PGBD1: variants seen among roughly 807,000 people sequenced by gnomAD.
The protein encoded by PGBD1 is piggyBac transposable element-derived protein 1.
Under a neutral mutation model 34.7 loss-of-function variants are expected in PGBD1, and 25 were observed. That is an observed-to-expected ratio of 0.72 (90% CI 0.52 to 1.00). PGBD1 has a LOEUF of 1.00. Among genes scored for constraint, PGBD1 ranks in the 50% least tolerant of loss-of-function variants. PGBD1 has a pLI of 0.00. For missense variants in PGBD1, 830 were observed against 959.4 expected (o/e 0.87, Z 1.78); for synonymous variants, 292 against 335.7 (o/e 0.87, Z 1.42).
At chr6:28,284,335 T>A in intron 2 of PGBD1, 126 bp downstream of exon 2, 2 of 1,118,144 alleles carry the variant, frequency 1.8e-6, no homozygotes, top group Non-Finnish European at 2.4e-6. Flanking sequence ...AGAACTCCCG[T>A]AAAACTCTTC....
chr6:28,298,034 A>AATC (rs1561891207), intron 6 of PGBD1, 43 bp downstream of exon 6: 2 of 1,345,618 alleles, frequency 1.5e-6, no homozygotes, highest in Admixed American at 3.7e-5. Flanking sequence ...CTGCAGATAT[A>AATC]AGAAATTGGA....
rs1295018685 is a variant in PGBD1, at chr6:28,301,461, A to G, written c.1607A>G (p.Tyr536Cys). ...IKQMNKNFLL[Y>C]APLEEYYCFD... ...CAAATGAATAAAAATTTCCTCTTGT[A>G]TGCTCCCCTGGAAGAATACTATTGC... The change falls in exon 7 of 7, where the codon TAT (tyrosine) becomes TGT (cysteine). Residue 536 changes from tyrosine to cysteine, a missense_variant. By Grantham distance (194) the Tyr-to-Cys change is radical. This residue lies in a region of PGBD1 where 372 missense variants were observed against 427.9 expected (regional missense o/e 0.87). Transcript: ENST00000682144. 1.2e-6 allele frequency: 2 copies of G among 1,613,978 alleles called. No homozygotes were observed. Among genetic ancestry groups the G allele is most frequent in the Non-Finnish European group, 1.7e-6 (2 of 1,180,000 alleles).
chr6:28,285,637 C>G lies in PGBD1; in HGVS notation c.483C>G (p.Leu161=), dbSNP rs1443137504. Residue 161 remains leucine (L), a synonymous_variant, in exon 3 of 7, where the codon CTC becomes CTG. Transcript: ENST00000682144. ...GVSLECQSLQ[L]LPGITTLKCE... is the part of the protein sequence containing the mutation. The stretch of plus-strand genomic sequence containing the variant: ...CTTTGGAGTGTCAGAGCCTCCAGCT[C>G]CTGCCTGGGATAACCACCCTGAAGT... The G allele has an allele frequency of 1.2e-6, 2 of 1,614,164 alleles. No homozygotes were observed. The highest frequency in any genetic ancestry group is 2.2e-5 in the East Asian group (1 of 44,876).
intron 6 of PGBD1, among the ~76,000 whole-genome samples, chr6:28,300,000 CAAA>C (rs776417092): frequency 3.5e-5 from 3 of 85,038 alleles, no homozygotes; most frequent in African/African-American, 1.2e-4. Flanking sequence ...GACTCTGTCT[CAAA>C]AAAAAAAAAA....
At chr6:28,285,424 G>T in intron 2 of PGBD1, 127 bp from the exon 3 acceptor site, 1 of 989,932 alleles carries the variant, frequency 1.0e-6, no homozygotes, top group South Asian at 2.1e-5. Flanking sequence ...GTTTTTCTGG[G>T]CTGGGATCCT....
intron 4 of PGBD1, among the ~76,000 whole-genome samples, chr6:28,292,940 T>G (rs973457646): frequency 6.6e-6 from 1 of 152,056 alleles, no homozygotes; most frequent in Non-Finnish European, 1.5e-5. Flanking sequence ...TTTCTTTTCT[T>G]TTCTTTTCTT....
chr6:28,287,646 GT>G (rs1407354130), intron 4 of PGBD1, among the ~76,000 whole-genome samples: 2 of 151,040 alleles, frequency 1.3e-5, no homozygotes, highest in South Asian at 4.2e-4. Context: ...ATGGACTCTG[GT>G]TTTTTTTCTT....
chr6:28,294,541 C>T (rs751998856), intron 4 of PGBD1, among the ~76,000 whole-genome samples: 11 of 152,254 alleles, frequency 7.2e-5, no homozygotes, highest in East Asian at 1.9e-4. Flanking sequence ...TAGGGGCTTA[C>T]GCAGTTGGTG....
intron 4 of PGBD1, among the ~76,000 whole-genome samples, chr6:28,292,279 T>C (rs1174476629): frequency 6.6e-6 from 1 of 152,124 alleles, no homozygotes; most frequent in African/African-American, 2.4e-5. Flanking sequence ...ATTTATATAC[T>C]TCAATAGTGA....
At chr6:28,291,004 G>T (rs554167785) in intron 4 of PGBD1, among the ~76,000 whole-genome samples, 2 of 150,560 alleles carry the variant, frequency 1.3e-5, no homozygotes, top group Admixed American at 6.7e-5. Flanking sequence ...AAAGTAAAAA[G>T]ACATCAAATG....
intron 4 of PGBD1, 69 bp downstream of exon 4, chr6:28,287,237 C>A: frequency 7.4e-7 from 1 of 1,360,118 alleles, no homozygotes; most frequent in Non-Finnish European, 1.1e-6. Context: ...TGTTCCTTGC[C>A]CTTCTCTTGG....
chr6:28,297,816 G>GTGTTTTTTTT, intron 5 of PGBD1, 79 bp from the exon 6 acceptor site: 1 of 347,644 alleles, frequency 2.9e-6, no homozygotes, highest in Non-Finnish European at 4.9e-6. Flanking sequence ...TACCCTGGAA[G>GTGTTTTTTTT]TTTTTTTTTT....
chr6:28,294,827 G>A (rs1039841352), intron 4 of PGBD1, among the ~76,000 whole-genome samples: 3 of 152,216 alleles, frequency 2.0e-5, no homozygotes, highest in Non-Finnish European at 4.4e-5. Flanking sequence ...GGAAATTAAT[G>A]TTTTCAAGCC....
rs1762875030 is a variant in PGBD1, at chr6:28,302,324, T to C, written c.*40T>C. 1 of 1,547,556 alleles carries C rather than the reference T, an allele frequency of 6.5e-7. No homozygotes were observed. Among genetic ancestry groups the C allele is most frequent in the Non-Finnish European group, 8.7e-7 (1 of 1,145,272 alleles). ...ACATAGTGCAGACATTAATAAGACA[T>C]AGAAAAATAATAATTATACATGCTG... On this transcript the variant is annotated 3_prime_UTR_variant, in exon 7 of 7. Coordinates refer to ENST00000682144, the MANE Select transcript of PGBD1 (RefSeq NM_032507.4).
chr6:28,286,779 C>T (rs1762297692), intron 3 of PGBD1, among the ~76,000 whole-genome samples: 1 of 152,018 alleles, frequency 6.6e-6, no homozygotes, highest in Non-Finnish European at 1.5e-5. Flanking sequence ...CTTCTTCCTC[C>T]CCTTTATTTT....
In PGBD1 at chr6:28,301,507, A is replaced by C. The variant is rs773522574; in HGVS notation, c.1653A>C (p.Glu551Asp). The C allele has an allele frequency of 6.2e-7, 1 of 1,614,154 alleles. No homozygotes were observed. The highest frequency in any genetic ancestry group is 1.7e-5 in the Admixed American group (1 of 60,030). ...ATTGCTTTGATAAGTCAATGTGTGA[A>C]TGCTTTGATAGTGACCAATTCCTGA... ...EYYCFDKSMC[E>D]CFDSDQFLNG... The change falls in exon 7 of 7, where the codon GAA becomes GAC. Residue 551 changes from glutamate to aspartate, a missense_variant. Transcript: ENST00000682144.
In PGBD1 at chr6:28,298,064, T is replaced by C. The variant is rs979909430; in HGVS notation, c.869+73T>C. ...ATTGGAATGGAATCAGAGAAACCAA[T>C]TGGTCAAAGGCCTGCTTCTCTGGAA... On this transcript the variant is annotated intron_variant, in intron 6 of 6. Transcript: ENST00000682144. The C allele has an allele frequency of 1.5e-4, 156 of 1,045,016 alleles. 1 individual carries two copies. The highest frequency in any genetic ancestry group is 8.0e-4 in the Middle Eastern group (4 of 5,000). 64.7% of individuals were successfully genotyped at this position (1,045,016 alleles called of 1,614,324 possible).
At position 28,284,053 on chromosome 6, in the gene PGBD1, G is replaced by A; in HGVS notation, c.240G>A (p.Lys80=). The change falls in exon 2 of 7, where the codon AAG becomes AAA. Residue 80 remains lysine (K), a synonymous_variant. Coordinates refer to ENST00000682144, the MANE Select transcript of PGBD1 (RefSeq NM_032507.4). ...HQWLRPEMHT[K]EQIMELLVLE... ...GGCTGAGACCGGAGATGCACACCAA[G>A]GAACAGATAATGGAACTGCTGGTGC... The A allele has an allele frequency of 5.0e-6, 8 of 1,614,174 alleles. No individual in the cohort carries two copies. The highest frequency in any genetic ancestry group is 6.8e-6 in the Non-Finnish European group (8 of 1,180,022).
At chr6:28,298,867 T>C (rs1762737766) in intron 6 of PGBD1, among the ~76,000 whole-genome samples, 1 of 152,062 alleles carries the variant, frequency 6.6e-6, no homozygotes, top group Non-Finnish European at 1.5e-5. Flanking sequence ...AGCAGAGGGT[T>C]GGCTTCTGGT....
Sources: gnomAD v4.1 joint callset for allele counts (sites outside exome capture counted in the v4.1 genomes callset) on GRCh38, gnomAD v4.1.1 for gene constraint, gnomAD v4.1.1 regional missense constraint, MANE v1.5 for transcripts, NCBI Gene and HGNC (gene_info 2026-07-23, HGNC 2026-07-21) for gene names.